Variants in NFYC observed in about 807,000 individuals in gnomAD.
NFYC encodes the protein CAAT box DNA-binding protein subunit C.
Under a neutral mutation model 53.1 loss-of-function variants are expected in NFYC, and 25 were observed. The observed-to-expected ratio is 0.47, with a 90% confidence interval of 0.34 to 0.66. The LOEUF (loss-of-function observed/expected upper bound fraction) is 0.66. Ranked by LOEUF, NFYC falls within the 30% of genes least tolerant of loss-of-function variation. NFYC has a pLI of 0.01. For synonymous variants in NFYC, 145 were observed against 152.6 expected (o/e 0.95, Z 0.37); for missense variants, 260 against 422.7 (o/e 0.62, Z 3.38).
chr1:40,718,378 T>C (rs1644214655), intron 1 of NFYC, among the ~76,000 whole-genome samples: 1 of 152,204 alleles, frequency 6.6e-6, no homozygotes, highest in Non-Finnish European at 1.5e-5. Context: ...AAAAACAGTC[T>C]ATAGCTGTGT....
At chr1:40,701,611 C>T (rs1356486193) in intron 1 of NFYC, among the ~76,000 whole-genome samples, 4 of 152,156 alleles carry the variant, frequency 2.6e-5, no homozygotes, top group African/African-American at 9.7e-5. Flanking sequence ...ATGCTTATGT[C>T]CTCCCATAGC....
chr1:40,727,747 G>A (rs974339814), intron 1 of NFYC, among the ~76,000 whole-genome samples: 1 of 151,214 alleles, frequency 6.6e-6, no homozygotes, highest in Admixed American at 6.6e-5. Flanking sequence ...TGGCCCGGCT[G>A]GTCTCAAACT....
intron 1 of NFYC, among the ~76,000 whole-genome samples, chr1:40,696,360 CCTTACT>C (rs757330141): frequency 6.6e-5 from 10 of 152,208 alleles, no homozygotes; most frequent in Non-Finnish European, 8.8e-5. Context: ...TAAATGAAGC[CCTTACT>C]CTTAAACACT....
intron 1 of NFYC, among the ~76,000 whole-genome samples, chr1:40,698,572 T>C (rs1643273034): frequency 6.6e-6 from 1 of 151,116 alleles, no homozygotes; most frequent in African/African-American, 2.4e-5. Flanking sequence ...GGACTACAGG[T>C]GCGTGCCACC....
intron 1 of NFYC, among the ~76,000 whole-genome samples, chr1:40,732,538 G>A (rs1557810827): frequency 6.6e-6 from 1 of 152,206 alleles, no homozygotes; most frequent in Non-Finnish European, 1.5e-5. Context: ...GGATATAAGA[G>A]TAACAGCTAG....
In NFYC at chr1:40,734,702, C is replaced by T. The variant is rs1644937561; in HGVS notation, c.-8-4134C>T. The T allele has an allele frequency of 2.0e-5, 3 of 152,224 alleles. No homozygotes were observed. The South Asian group carries it at 6.2e-4, about 32-fold the overall frequency. The allele number at this position is 152,224 out of a possible 1,614,324, so 9.4% of individuals were successfully genotyped here. On this transcript the variant is annotated intron_variant, in intron 1 of 9. Transcript: ENST00000447388. ...TATTAATTGTTGGGTGTTTTTAAAGCTCCATGCAAAGAATGGATCTGCTTT... is the reference window on the plus strand; with the variant it reads ...TATTAATTGTTGGGTGTTTTTAAAGTTCCATGCAAAGAATGGATCTGCTTT...
rs565610053 is a variant in NFYC at position 40,730,535 on chromosome 1, T to C, written c.-8-8301T>C. On this transcript the variant is annotated intron_variant, in intron 1 of 9. Coordinates refer to ENST00000447388, the MANE Select transcript of NFYC (RefSeq NM_014223.5). The stretch of plus-strand genomic sequence containing the variant: ...GAAATGCAATAAAACAAGGTATAGT[T>C]GTAAAAAGGATGTCACCTCATGACA... The C allele has an allele frequency of 4.1e-6, 4 of 984,536 alleles. No homozygotes were observed. In the African/African-American group the frequency reaches 7.0e-5, roughly 17 times the overall value. 61.0% of individuals were successfully genotyped at this position (984,536 alleles called of 1,614,324 possible). A position where few individuals can be genotyped will look rare whatever the true frequency, so the allele number is the denominator to read the frequency against.
intron 5 of NFYC, among the ~76,000 whole-genome samples, chr1:40,754,743 C>T (rs1646117442): frequency 6.6e-6 from 1 of 152,136 alleles, no homozygotes; most frequent in South Asian, 2.1e-4. Context: ...CTGCTGAATA[C>T]ACTGGCTGGA....
chr1:40,713,239 G>C (rs1644002926), intron 1 of NFYC, among the ~76,000 whole-genome samples: 1 of 152,126 alleles, frequency 6.6e-6, no homozygotes, highest in African/African-American at 2.4e-5. Context: ...TTGATTTCCT[G>C]TCCTATTAAG....
At chr1:40,723,864 T>TGGG (rs1487247853) in intron 1 of NFYC, 2 of 152,082 alleles carry the variant, frequency 1.3e-5, no homozygotes, top group Non-Finnish European at 2.9e-5. Context: ...TCTATTGAGA[T>TGGG]GGGGGTCTCA....
chr1:40,702,989 G>C (rs1643514427), intron 1 of NFYC, among the ~76,000 whole-genome samples: 1 of 151,928 alleles, frequency 6.6e-6, no homozygotes, highest in African/African-American at 2.4e-5. Context: ...GCTACTTTTT[G>C]TATTTTTAGT....
chr1:40,756,509 G>C (rs1646230430), intron 5 of NFYC, among the ~76,000 whole-genome samples: 2 of 152,116 alleles, frequency 1.3e-5, no homozygotes, highest in South Asian at 4.1e-4. Context: ...GTCATGCAGA[G>C]ACCCATGTTT....
chr1:40,754,772 T>C (rs1032642919), intron 5 of NFYC, among the ~76,000 whole-genome samples: 4 of 152,110 alleles, frequency 2.6e-5, no homozygotes, highest in African/African-American at 7.2e-5. Context: ...TCACATCCTG[T>C]CAGTTCCTCC....
At chr1:40,704,904 T>C (rs1374488417) in intron 1 of NFYC, among the ~76,000 whole-genome samples, 1 of 152,162 alleles carries the variant, frequency 6.6e-6, no homozygotes, top group Non-Finnish European at 1.5e-5. Context: ...ATGCTAGAGA[T>C]AGAAGAGAGG....
chr1:40,726,517 C>G (rs1422049069), intron 1 of NFYC, among the ~76,000 whole-genome samples: 1 of 152,040 alleles, frequency 6.6e-6, no homozygotes, highest in African/African-American at 2.4e-5. Flanking sequence ...TCAAGCCATC[C>G]TCCTACTTCA....
intron 1 of NFYC, among the ~76,000 whole-genome samples, chr1:40,710,239 T>A (rs1643888739): frequency 6.6e-6 from 1 of 152,246 alleles, no homozygotes. Context: ...TTCACTTATA[T>A]TGACAGTGAT....
chr1:40,718,376 T>C (rs1644214545), intron 1 of NFYC, among the ~76,000 whole-genome samples: 1 of 152,168 alleles, frequency 6.6e-6, no homozygotes, highest in Non-Finnish European at 1.5e-5. Context: ...TGAAAAACAG[T>C]CTATAGCTGT....
intron 7 of NFYC, chr1:40,766,014 G>A (rs1029442714): frequency 6.6e-6 from 1 of 152,290 alleles, no homozygotes; most frequent in Non-Finnish European, 1.5e-5. Context: ...CCAGAAGCTA[G>A]TGCTGAACAC....
chr1:40,723,489 ACT>A (rs1644399393), intron 1 of NFYC, among the ~76,000 whole-genome samples: 1 of 152,094 alleles, frequency 6.6e-6, no homozygotes, highest in Non-Finnish European at 1.5e-5. Context: ...GGCCCAGCTT[ACT>A]TCTAATTGAG....
Sources: gnomAD v4.1 joint callset for allele counts (sites outside exome capture counted in the v4.1 genomes callset) on GRCh38, gnomAD v4.1.1 for gene constraint, MANE v1.5 for transcripts, NCBI Gene and HGNC (gene_info 2026-07-23, HGNC 2026-07-21) for gene names.